The following WDR47 variants were observed in gnomAD, a reference collection of about 807,000 sequenced individuals.
WDR47 encodes the protein WD repeat domain 47.
In WDR47, 32 loss-of-function variants were observed where a neutral mutation model predicts 97.2. The ratio of observed to expected loss-of-function variants is 0.33; its 90% CI spans 0.25 to 0.44. WDR47 has a LOEUF of 0.44. Among genes scored for constraint, WDR47 ranks in the 20% least tolerant of loss-of-function variants. The pLI, the probability that WDR47 is intolerant of heterozygous loss-of-function variation, is 1.00. For synonymous variants in WDR47, 375 were observed against 373.5 expected (o/e 1.00, Z -0.05); for missense variants, 782 against 1,102.3 (o/e 0.71, Z 4.11).
At chr1:109,027,669 G>A (rs1407403335) in intron 1 of WDR47, among the ~76,000 whole-genome samples, 2 of 151,780 alleles carry the variant, frequency 1.3e-5, no homozygotes, top group African/African-American at 2.4e-5. Flanking sequence ...GATCACAGGT[G>A]CCTGCCACCA....
chr1:109,009,368 T>C (rs1029483277), intron 5 of WDR47, among the ~76,000 whole-genome samples: 3 of 152,212 alleles, frequency 2.0e-5, no homozygotes, highest in Admixed American at 2.0e-4. Flanking sequence ...TATTATTCCA[T>C]GCCAGGTTTG....
chr1:109,002,170 T>C, intron 7 of WDR47, 54 bp downstream of exon 7: 1 of 1,476,266 alleles, frequency 6.8e-7, no homozygotes, highest in Non-Finnish European at 8.9e-7. Context: ...TTATTGCATG[T>C]TTTAAATAGC....
intron 14 of WDR47, among the ~76,000 whole-genome samples, chr1:108,974,181 C>T (rs148103673): frequency 3.3e-5 from 5 of 151,078 alleles, no homozygotes; most frequent in Non-Finnish European, 5.9e-5. Context: ...GGCGACAGAG[C>T]GAGACCCTGT....
At chr1:108,977,542 C>T (rs947341498) in intron 13 of WDR47, among the ~76,000 whole-genome samples, 1 of 152,210 alleles carries the variant, frequency 6.6e-6, no homozygotes, top group African/African-American at 2.4e-5. Flanking sequence ...GTTTGTCTTA[C>T]TGTTTCTCTA....
chr1:108,980,936 G>T (rs1315748044), intron 13 of WDR47, among the ~76,000 whole-genome samples: 2 of 151,924 alleles, frequency 1.3e-5, no homozygotes, highest in East Asian at 1.9e-4. Flanking sequence ...GACCATCCTG[G>T]CCAACATGGT....
At chr1:109,002,619 G>C (rs906599927) in intron 6 of WDR47, among the ~76,000 whole-genome samples, 19 of 152,128 alleles carry the variant, frequency 1.2e-4, no homozygotes, top group Non-Finnish European at 2.5e-4. Flanking sequence ...TGACCGAAAT[G>C]AATGGTTGCC....
In WDR47 at chr1:108,976,726, T is replaced by C. The variant is rs541881259; in HGVS notation, c.2399-1972A>G. Reference sequence around the variant, plus strand: ...AGAAGGCCTCTCTGGCTAGGTGGCATTGAAGTTAAGACCTAAAGACACGAA... The same window carrying C: ...AGAAGGCCTCTCTGGCTAGGTGGCACTGAAGTTAAGACCTAAAGACACGAA... On this transcript the variant is annotated intron_variant, in intron 13 of 14. Transcript: ENST00000369962. 1.5e-3 allele frequency among the ~76,000 whole-genome samples: 235 copies of C among 152,166 alleles called. 1 individual carries two copies. Among genetic ancestry groups the C allele is most frequent in the Non-Finnish European group, 2.7e-3 (185 of 67,982 alleles).
intron 1 of WDR47, chr1:109,030,056 A>C (rs1044144448): frequency 4.9e-5 from 27 of 550,176 alleles, no homozygotes; most frequent in African/African-American, 3.3e-4. Flanking sequence ...CGACCTACCC[A>C]CAGGAGAACA....
intron 1 of WDR47, among the ~76,000 whole-genome samples, chr1:109,036,163 C>T (rs1662926924): frequency 6.6e-6 from 1 of 152,156 alleles, no homozygotes; most frequent in Non-Finnish European, 1.5e-5. Flanking sequence ...ATTTTAGGAT[C>T]TTACATTCAT....
Position 109,030,429 on chromosome 1 carries a change from GTTAC to G in WDR47, c.-9-6912_-9-6909del, listed in dbSNP as rs1662536415. ...AAATTAAATGTTCATCTGCAATGCG[GTTAC>G]TTAAACACACATTATGAAGGAAAAA... On this transcript the variant is annotated intron_variant, in intron 1 of 14. Transcript: ENST00000369962. 5 of 347,766 alleles carry G rather than the reference GTTAC, an allele frequency of 1.4e-5. No individual in the cohort carries two copies. The Admixed American group carries it at 1.8e-4, about 13-fold the overall frequency. 21.5% of individuals were successfully genotyped at this position (347,766 alleles called of 1,614,324 possible). A position where few individuals can be genotyped will look rare whatever the true frequency, so the allele number is the denominator to read the frequency against.
intron 7 of WDR47, among the ~76,000 whole-genome samples, chr1:108,996,180 A>C (rs576601762): frequency 6.6e-6 from 1 of 152,204 alleles, no homozygotes; most frequent in South Asian, 2.1e-4. Context: ...CACCTCCCAC[A>C]CATACCTGGG....
At chr1:109,013,992 T>C in intron 3 of WDR47, 67 bp from the exon 4 acceptor site, 2 of 1,184,606 alleles carry the variant, frequency 1.7e-6, no homozygotes, top group Non-Finnish European at 2.4e-6. Flanking sequence ...GAAGTTACTA[T>C]GTAAGTACTT....
intron 1 of WDR47, among the ~76,000 whole-genome samples, chr1:109,026,974 A>T (rs950233608): frequency 2.6e-5 from 4 of 151,304 alleles, no homozygotes; most frequent in Non-Finnish European, 3.0e-5. Context: ...TTTTCTTTTT[A>T]AAAAAAAACT....
At chr1:109,035,649 C>A (rs28709105) in intron 1 of WDR47, among the ~76,000 whole-genome samples, 1 of 151,612 alleles carries the variant, frequency 6.6e-6, no homozygotes, top group South Asian at 2.1e-4. Context: ...AGGCGCCCAC[C>A]ACCACACCCA....
chr1:108,975,622 A>G (rs1001792457), intron 13 of WDR47, among the ~76,000 whole-genome samples: 4 of 151,468 alleles, frequency 2.6e-5, no homozygotes, highest in African/African-American at 9.7e-5. Context: ...CTCCATCTCA[A>G]AAAAAAATAA....
chr1:108,978,340 A>G (rs1169363128), intron 13 of WDR47, among the ~76,000 whole-genome samples: 2 of 151,824 alleles, frequency 1.3e-5, no homozygotes, highest in Non-Finnish European at 2.9e-5. Flanking sequence ...TTAGCTGGGC[A>G]TGGTAGCAGG....
chr1:109,000,424 G>A (rs561501682), intron 7 of WDR47, among the ~76,000 whole-genome samples: 5 of 145,300 alleles, frequency 3.4e-5, no homozygotes, highest in South Asian at 4.5e-4. Context: ...CAGGAGAACC[G>A]CTTGAACCTG....
chr1:109,025,235 C>G (rs947581904), intron 1 of WDR47, among the ~76,000 whole-genome samples: 1 of 150,646 alleles, frequency 6.6e-6, no homozygotes, highest in Non-Finnish European at 1.5e-5. Context: ...CCCAGGAGTG[C>G]GAGACAAGCC....
chr1:108,983,009 A>G (rs1166111424), intron 11 of WDR47, among the ~76,000 whole-genome samples: 1 of 152,210 alleles, frequency 6.6e-6, no homozygotes, highest in African/African-American at 2.4e-5. Context: ...GAAAAAGAAG[A>G]CAAGTGATCT....
Sources: gnomAD v4.1 joint callset for allele counts (sites outside exome capture counted in the v4.1 genomes callset) on GRCh38, gnomAD v4.1.1 for gene constraint, MANE v1.5 for transcripts, NCBI Gene and HGNC (gene_info 2026-07-23, HGNC 2026-07-21) for gene names.